Variants in LUZP1 observed in about 807,000 individuals in gnomAD.
LUZP1 encodes filamin mechanobinding actin cross-linking protein.
In LUZP1, 25 loss-of-function variants were observed where a neutral mutation model predicts 71.3. The observed-to-expected ratio is 0.35, with a 90% CI of 0.26 to 0.49. The LOEUF is 0.49. Among genes scored for constraint, LUZP1 ranks in the 20% least tolerant of loss-of-function variants. The pLI, the probability that LUZP1 is intolerant of heterozygous loss-of-function variation, is 0.99. For synonymous variants in LUZP1, 481 were observed against 506.4 expected (o/e 0.95, Z 0.67); for missense variants, 1,142 against 1,300.8 (o/e 0.88, Z 1.88).
At chr1:23,143,614 G>A (rs761767363) in intron 2 of LUZP1, among the ~76,000 whole-genome samples, 6 of 152,166 alleles carry the variant, frequency 3.9e-5, no homozygotes, top group South Asian at 2.1e-4. Context: ...AAACCTTTGC[G>A]CCAGGCTAAC....
exon 5 of LUZP1, chr1:23,087,166 CAA>C (rs1443458007): frequency 6.6e-6 from 1 of 152,258 alleles, no homozygotes; most frequent in Non-Finnish European, 1.5e-5. Flanking sequence ...GCTGATGCCA[CAA>C]AGAGCCTCAG....
chr1:23,147,658 T>C (rs1644354515), intron 2 of LUZP1, among the ~76,000 whole-genome samples: 1 of 147,860 alleles, frequency 6.8e-6, no homozygotes, highest in Non-Finnish European at 1.5e-5. Flanking sequence ...TATATACTCA[T>C]CCCAGAATAG....
At chr1:23,150,682 C>G (rs1026604035) in intron 2 of LUZP1, among the ~76,000 whole-genome samples, 1 of 152,054 alleles carries the variant, frequency 6.6e-6, no homozygotes, top group African/African-American at 2.4e-5. Flanking sequence ...GAAGAGTAAT[C>G]TAAAGAACTT....
chr1:23,131,427 T>C (rs1384893663), intron 2 of LUZP1, among the ~76,000 whole-genome samples: 1 of 151,982 alleles, frequency 6.6e-6, no homozygotes, highest in Non-Finnish European at 1.5e-5. Flanking sequence ...TTTTTCTCCA[T>C]CTCAATCTGA....
chr1:23,120,339 C>T (rs1644120533), intron 2 of LUZP1, among the ~76,000 whole-genome samples: 1 of 151,972 alleles, frequency 6.6e-6, no homozygotes, highest in African/African-American at 2.4e-5. Context: ...CTCCTACGCT[C>T]TAAATAATAT....
intron 4 of LUZP1, 109 bp from the exon 4 acceptor site, chr1:23,089,162 T>G: frequency 2.0e-6 from 2 of 1,009,416 alleles, no homozygotes; most frequent in East Asian, 2.4e-5. Flanking sequence ...GAGGCAGATA[T>G]AGCCCAGACA....
intron 2 of LUZP1, among the ~76,000 whole-genome samples, chr1:23,164,841 T>A (rs1644497273): frequency 6.6e-6 from 1 of 152,234 alleles, no homozygotes; most frequent in Admixed American, 6.5e-5. Context: ...CCTTAAGTAT[T>A]ATTTGAACAA....
rs1430712616 is a variant in LUZP1 at position 23,149,014 on chromosome 1, G to A, written c.-226+19752C>T. On this transcript the variant is annotated intron_variant, in intron 2 of 4. Transcript: ENST00000302291. ...GAGGATCACTTGAGCCTGGGAGGTC[G>A]AGGCTGCAGTGAGCCATGATGGCAA... Among the ~76,000 whole-genome samples the A allele has an allele frequency of 5.5e-5, 8 of 146,078 alleles. No homozygotes were observed. The East Asian group carries it at 6.1e-4, about 11-fold the overall frequency.
At chr1:23,177,712 G>A (rs1197675993) in exon 1 of LUZP1, 2 of 152,250 alleles carry the variant, frequency 1.3e-5, no homozygotes, top group Admixed American at 1.3e-4. Flanking sequence ...CGGGCGGCGG[G>A]GGAGGGGGCC....
intron 2 of LUZP1, among the ~76,000 whole-genome samples, chr1:23,130,008 A>C (rs1283404420): frequency 6.6e-6 from 1 of 152,216 alleles, no homozygotes; most frequent in Non-Finnish European, 1.5e-5. Context: ...GATTAGTCTA[A>C]ATTCCTTAAT....
At chr1:23,086,648 C>T (rs1569848768) in exon 5 of LUZP1, 1 of 152,776 alleles carries the variant, frequency 6.5e-6, no homozygotes, top group East Asian at 1.9e-4. Flanking sequence ...TTGACCACCA[C>T]AGAGGTTGAT....
At chr1:23,101,236 T>A (rs1334219919) in intron 3 of LUZP1, among the ~76,000 whole-genome samples, 1 of 152,186 alleles carries the variant, frequency 6.6e-6, no homozygotes, top group Non-Finnish European at 1.5e-5. Context: ...TCCCTCAATG[T>A]CCACACAAAA....
chr1:23,132,491 T>C (rs1316694403), intron 2 of LUZP1, among the ~76,000 whole-genome samples: 1 of 147,972 alleles, frequency 6.8e-6, no homozygotes, highest in Non-Finnish European at 1.5e-5. Context: ...ACTATTGTTC[T>C]TCAAGAGAAC....
intron 2 of LUZP1, among the ~76,000 whole-genome samples, chr1:23,130,556 G>T (rs984660848): frequency 3.4e-4 from 49 of 145,848 alleles, no homozygotes; most frequent in Admixed American, 9.7e-4. Flanking sequence ...TAGAGATGGG[G>T]TCTCACTATA....
intron 3 of LUZP1, among the ~76,000 whole-genome samples, chr1:23,102,916 T>G (rs1188559903): frequency 6.6e-6 from 1 of 152,188 alleles, no homozygotes; most frequent in Non-Finnish European, 1.5e-5. Context: ...TCATTTCATT[T>G]CATTTTTCAT....
intron 3 of LUZP1, among the ~76,000 whole-genome samples, chr1:23,103,839 A>G (rs181243110): frequency 0.018 from 283 of 15,514 alleles, 2 homozygotes; most frequent in Non-Finnish European, 0.024. Context: ...AGAGAGGGAG[A>G]GAGGGAGGGA....
intron 1 of LUZP1, among the ~76,000 whole-genome samples, chr1:23,170,390 G>A (rs1644543670): frequency 6.6e-6 from 1 of 151,734 alleles, no homozygotes; most frequent in East Asian, 1.9e-4. Flanking sequence ...GATACTGTAT[G>A]GAAAACATCA....
intron 2 of LUZP1, among the ~76,000 whole-genome samples, chr1:23,123,592 A>ATTGAATTG (rs1404720922): frequency 2.6e-5 from 4 of 152,008 alleles, no homozygotes; most frequent in Admixed American, 2.6e-4. Flanking sequence ...ATAAATCAAG[A>ATTGAATTG]TTGAATTGCA....
intron 2 of LUZP1, among the ~76,000 whole-genome samples, chr1:23,130,216 C>A (rs1644203329): frequency 6.6e-6 from 1 of 152,186 alleles, no homozygotes; most frequent in South Asian, 2.1e-4. Flanking sequence ...AACCTTTCCA[C>A]ATTCACTATT....
Sources: gnomAD v4.1 joint callset for allele counts (sites outside exome capture counted in the v4.1 genomes callset) on GRCh38, gnomAD v4.1.1 for gene constraint, MANE v1.5 for transcripts, NCBI Gene and HGNC (gene_info 2026-07-23, HGNC 2026-07-21) for gene names.